RANBP2: variants seen among roughly 807,000 people sequenced by gnomAD.
RANBP2 encodes E3 SUMO-protein ligase RanBP2.
A neutral mutation model predicts 303.6 loss-of-function variants in RANBP2; 57 were observed. That is an observed-to-expected ratio of 0.19 (90% confidence interval 0.15 to 0.23). RANBP2 has a LOEUF of 0.23. Ranked by LOEUF, RANBP2 falls within the 10% of genes least tolerant of loss-of-function variation. The pLI is 1.00. For missense variants in RANBP2, 3,138 were observed against 3,780.8 expected (o/e 0.83, Z 4.46); for synonymous variants, 1,167 against 1,301.5 (o/e 0.90, Z 2.23).
chr2:109,313,065 A>G, the RANBP2 span, among the ~76,000 whole-genome samples: 1 of 152,218 alleles, frequency 6.6e-6, no homozygotes, highest in South Asian at 2.1e-4. Context: ...CAGGGAACCC[A>G]TGCAATCCAC....
chr2:109,213,762 A>G, the RANBP2 span, among the ~76,000 whole-genome samples: 2 of 152,122 alleles, frequency 1.3e-5, no homozygotes, highest in South Asian at 4.2e-4. Flanking sequence ...TTAAATAGGA[A>G]CGTGACGTGG....
the RANBP2 span, among the ~76,000 whole-genome samples, chr2:109,176,271 G>A: frequency 2.0e-5 from 3 of 152,176 alleles, no homozygotes; most frequent in Non-Finnish European, 2.9e-5. Flanking sequence ...AATAGAAAAG[G>A]GTACAGAGGA....
chr2:109,171,923 G>C, the RANBP2 span, among the ~76,000 whole-genome samples: 1 of 152,256 alleles, frequency 6.6e-6, no homozygotes, highest in East Asian at 1.9e-4. Flanking sequence ...CATGTGCCGA[G>C]CCCAGCCTTG....
At chr2:109,374,195 A>G in the RANBP2 span, among the ~76,000 whole-genome samples, 3 of 152,040 alleles carry the variant, frequency 2.0e-5, no homozygotes, top group Non-Finnish European at 1.5e-5. Flanking sequence ...ACTGTCCTTC[A>G]GGCTCAGAGA....
chr2:108,925,940 T>A, the RANBP2 span, among the ~76,000 whole-genome samples: 1 of 152,128 alleles, frequency 6.6e-6, no homozygotes. Flanking sequence ...AAAAAAACAT[T>A]GGCTCCAAGA....
the RANBP2 span, among the ~76,000 whole-genome samples, chr2:109,537,508 A>G: frequency 6.6e-6 from 1 of 151,922 alleles, no homozygotes; most frequent in Non-Finnish European, 1.5e-5. Flanking sequence ...CCCTTTCTCA[A>G]ATGTCCTTAC....
At chr2:109,211,933 G>A in the RANBP2 span, among the ~76,000 whole-genome samples, 1 of 152,184 alleles carries the variant, frequency 6.6e-6, no homozygotes, top group Admixed American at 6.5e-5. Context: ...GTGAGACACC[G>A]CACCCAGCCC....
chr2:109,253,397 A>G, the RANBP2 span, among the ~76,000 whole-genome samples: 51 of 152,330 alleles, frequency 3.3e-4, no homozygotes, highest in Non-Finnish European at 5.9e-4. Context: ...AAGAGGCCCC[A>G]GGATAGGCTG....
chr2:108,782,713 G>A lies in RANBP2; in HGVS notation c.9220G>A (p.Gly3074Ser), dbSNP rs753643539. 22 of 1,614,024 alleles carry A rather than the reference G, an allele frequency of 1.4e-5. No individual in the cohort carries two copies. Among genetic ancestry groups the A allele is most frequent in the Admixed American group, 5.0e-5 (3 of 59,992 alleles). Reference protein sequence around the residue: ...PVVFFDVCADGEPLGRITMEL... With the variant: ...PVVFFDVCADSEPLGRITMEL... ...GGTGTTTTTTGATGTTTGTGCGGACGGTGAACCTCTAGGGCGGATAACTAT... is the reference window on the plus strand; with the variant it reads ...GGTGTTTTTTGATGTTTGTGCGGACAGTGAACCTCTAGGGCGGATAACTAT... Residue 3074 changes from glycine (G) to serine (S), a missense_variant, in exon 28 of 29, where the codon GGT (glycine) becomes AGT (serine). Transcript: ENST00000283195.
chr2:109,083,589 G>A, the RANBP2 span, among the ~76,000 whole-genome samples: 154 of 152,194 alleles, frequency 1.0e-3, no homozygotes, highest in Admixed American at 2.3e-3. Context: ...CCTCTTTGCT[G>A]TTGTGAATAA....
At chr2:109,262,048 G>A in the RANBP2 span, among the ~76,000 whole-genome samples, 2 of 152,190 alleles carry the variant, frequency 1.3e-5, no homozygotes, top group Non-Finnish European at 2.9e-5. Flanking sequence ...TGGCCCGGCT[G>A]CTGATGCACC....
At chr2:109,688,542 C>T in the RANBP2 span, among the ~76,000 whole-genome samples, 2 of 151,924 alleles carry the variant, frequency 1.3e-5, no homozygotes, top group Non-Finnish European at 2.9e-5. Context: ...TTTGGGAGGC[C>T]GAGGTGGGTG....
At chr2:109,266,792 A>G in the RANBP2 span, among the ~76,000 whole-genome samples, 3 of 152,274 alleles carry the variant, frequency 2.0e-5, no homozygotes, top group South Asian at 2.1e-4. Flanking sequence ...CCACTCGCAC[A>G]TGCATGAGAG....
chr2:108,834,446 C>T, the RANBP2 span, among the ~76,000 whole-genome samples: 1 of 151,064 alleles, frequency 6.6e-6, no homozygotes, highest in Non-Finnish European at 1.5e-5. Context: ...AACAGCTGAC[C>T]TTAGGTGATC....
the RANBP2 span, among the ~76,000 whole-genome samples, chr2:108,855,340 A>G: frequency 2.6e-5 from 4 of 152,216 alleles, no homozygotes; most frequent in Non-Finnish European, 5.9e-5. Context: ...AAAACTGTAT[A>G]GTATTCAACC....
the RANBP2 span, among the ~76,000 whole-genome samples, chr2:109,144,189 T>C: frequency 6.6e-6 from 1 of 152,248 alleles, no homozygotes; most frequent in Non-Finnish European, 1.5e-5. Flanking sequence ...AGAATAGATT[T>C]TAAGTATTTT....
At chr2:109,243,830 A>G in the RANBP2 span, among the ~76,000 whole-genome samples, 5 of 152,298 alleles carry the variant, frequency 3.3e-5, no homozygotes, top group African/African-American at 1.2e-4. Flanking sequence ...AAAGGCTGTA[A>G]TCAGGACAAT....
At chr2:108,739,433 A>G (rs1031398482) in intron 6 of RANBP2, among the ~76,000 whole-genome samples, 1 of 152,150 alleles carries the variant, frequency 6.6e-6, no homozygotes, top group African/African-American at 2.4e-5. Context: ...TCAGCTCTAC[A>G]TACATGAGAA....
At chr2:109,080,061 C>T in the RANBP2 span, among the ~76,000 whole-genome samples, 1 of 152,194 alleles carries the variant, frequency 6.6e-6, no homozygotes, top group Admixed American at 6.5e-5. Flanking sequence ...TGATTGTGGA[C>T]TCAATGCAGG....
Sources: allele counts gnomAD v4.1 joint callset (sites outside exome capture counted in the v4.1 genomes callset), GRCh38; gene constraint gnomAD v4.1.1; transcripts MANE v1.5; gene names NCBI Gene and HGNC (gene_info 2026-07-23, HGNC 2026-07-21).